Variants in RPS6KC1 observed in about 807,000 individuals in gnomAD.
The protein encoded by RPS6KC1 is ribosomal protein S6 kinase C1, also known as inactive ribosomal protein S6 kinase delta-1.
RPS6KC1 carries 54 observed loss-of-function variants against 103.8 expected under a neutral mutation model. The observed-to-expected ratio is 0.52, with a 90% CI of 0.42 to 0.65. The LOEUF is 0.65. Ranked by LOEUF, RPS6KC1 falls within the 30% of genes least tolerant of loss-of-function variation. The probability of loss-of-function intolerance (pLI) is 0.00; values close to 1 mark genes in which losing one functional copy is unlikely to be tolerated. For missense variants in RPS6KC1, 1,151 were observed against 1,253.8 expected (o/e 0.92, Z 1.24); for synonymous variants, 439 against 438.7 (o/e 1.00, Z -0.01).
rs919181008 is a variant in RPS6KC1 at position 213,197,662 on chromosome 1, C to G, written c.1044+21170C>G. On this transcript the variant is annotated intron_variant, in intron 8 of 14. Transcript: ENST00000366960. ...TGGTTTGTGTACATTGATTTTATAT[C>G]CTGAAACTTTATTGAATTCATTTAT... Among the ~76,000 whole-genome samples the G allele has an allele frequency of 2.0e-5, 3 of 152,088 alleles. No individual in the cohort carries two copies. In the South Asian group the frequency reaches 6.2e-4, roughly 32 times the overall value.
At chr1:213,058,241 A>T (rs1409988316) in intron 1 of RPS6KC1, among the ~76,000 whole-genome samples, 1 of 151,800 alleles carries the variant, frequency 6.6e-6, no homozygotes, top group Non-Finnish European at 1.5e-5. Context: ...GCACCCAGAC[A>T]GTGTTTTTGC....
intron 8 of RPS6KC1, among the ~76,000 whole-genome samples, chr1:213,194,507 G>T (rs1028115854): frequency 6.6e-6 from 1 of 152,162 alleles, no homozygotes; most frequent in Admixed American, 6.5e-5. Context: ...AGGCTTGCAA[G>T]TACTGCCTTA....
chr1:213,620,476 T>C, the RPS6KC1 span, among the ~76,000 whole-genome samples: 1 of 152,242 alleles, frequency 6.6e-6, no homozygotes, highest in Non-Finnish European at 1.5e-5. Flanking sequence ...GAGACTAAGA[T>C]AGAAACTTCT....
At chr1:213,790,312 T>A in the RPS6KC1 span, among the ~76,000 whole-genome samples, 4 of 152,220 alleles carry the variant, frequency 2.6e-5, no homozygotes, top group Non-Finnish European at 5.9e-5. Flanking sequence ...GATCAGTTGG[T>A]TGATCTTTGA....
At chr1:213,374,734 G>T in the RPS6KC1 span, among the ~76,000 whole-genome samples, 1 of 152,158 alleles carries the variant, frequency 6.6e-6, no homozygotes, top group Non-Finnish European at 1.5e-5. Context: ...TTCGGATAAT[G>T]AATCACTAGA....
At chr1:213,335,513 A>G in the RPS6KC1 span, among the ~76,000 whole-genome samples, 1 of 152,210 alleles carries the variant, frequency 6.6e-6, no homozygotes, top group East Asian at 1.9e-4. Flanking sequence ...TATTCTAACC[A>G]GCAGAAAGGA....
At chr1:213,450,053 T>G in the RPS6KC1 span, among the ~76,000 whole-genome samples, 5 of 152,130 alleles carry the variant, frequency 3.3e-5, no homozygotes, top group African/African-American at 1.2e-4. Context: ...CTGCTTAACC[T>G]CTCTGTGACT....
chr1:213,745,857 C>G, the RPS6KC1 span, among the ~76,000 whole-genome samples: 1 of 152,136 alleles, frequency 6.6e-6, no homozygotes, highest in Non-Finnish European at 1.5e-5. Context: ...TACACCACCA[C>G]AAGGAGAGGG....
At chr1:213,094,120 C>CAT (rs1330857574) in intron 3 of RPS6KC1, among the ~76,000 whole-genome samples, 6 of 150,148 alleles carry the variant, frequency 4.0e-5, no homozygotes, top group South Asian at 4.2e-4. Context: ...ATAGTGAACA[C>CAT]ATATATATAC....
chr1:213,114,563 A>G (rs1369155793), intron 4 of RPS6KC1, among the ~76,000 whole-genome samples: 4 of 151,828 alleles, frequency 2.6e-5, no homozygotes, highest in African/African-American at 2.4e-5. Context: ...TCTTCTGCCT[A>G]ATTGCCCTGG....
rs562723055 is a variant in RPS6KC1, at chr1:213,120,140, C to T, written c.472+2730C>T. Among the ~76,000 whole-genome samples, 9 of 152,252 alleles carry T rather than the reference C, an allele frequency of 5.9e-5. No homozygotes were observed. The East Asian group carries it at 1.5e-3, about 26-fold the overall frequency. On this transcript the variant is annotated intron_variant, in intron 5 of 14. Transcript: ENST00000366960. The stretch of plus-strand genomic sequence containing the variant: ...TTTCTGTCAAAAACACGGAAAATGA[C>T]TTATGACATCTAAAAGGAATATTGA...
the RPS6KC1 span, among the ~76,000 whole-genome samples, chr1:213,705,972 C>A: frequency 6.6e-6 from 1 of 152,192 alleles, no homozygotes; most frequent in East Asian, 1.9e-4. Flanking sequence ...AAGACAAAGT[C>A]CTCCTTGCTC....
At chr1:213,494,121 A>T in the RPS6KC1 span, among the ~76,000 whole-genome samples, 1 of 152,086 alleles carries the variant, frequency 6.6e-6, no homozygotes, top group Non-Finnish European at 1.5e-5. Flanking sequence ...GAAGTTATAC[A>T]CATTAGCCTG....
At chr1:213,726,082 T>C in the RPS6KC1 span, among the ~76,000 whole-genome samples, 1 of 152,210 alleles carries the variant, frequency 6.6e-6, no homozygotes, top group Non-Finnish European at 1.5e-5. Context: ...ATAATTGTTC[T>C]TTCTTATTTT....
At chr1:213,434,595 A>G in the RPS6KC1 span, among the ~76,000 whole-genome samples, 11 of 152,076 alleles carry the variant, frequency 7.2e-5, no homozygotes, top group Admixed American at 7.2e-4. Flanking sequence ...AACTCAGACT[A>G]CAGGTGCATG....
the RPS6KC1 span, among the ~76,000 whole-genome samples, chr1:213,719,886 C>T: frequency 6.6e-6 from 1 of 152,120 alleles, no homozygotes; most frequent in East Asian, 1.9e-4. Flanking sequence ...GATATTTGTG[C>T]CTACTTTACG....
Position 213,117,352 on chromosome 1 carries a change from T to C in RPS6KC1, c.414T>C (p.Gly138=). 1.2e-6 allele frequency: 2 copies of C among 1,610,178 alleles called. No individual in the cohort carries two copies. Among genetic ancestry groups the C allele is most frequent in the Non-Finnish European group, 8.5e-7 (1 of 1,176,798 alleles). The change falls in exon 5 of 15, where the codon GGT becomes GGC. Residue 138 remains glycine, a synonymous_variant. Coordinates refer to ENST00000366960, the MANE Select transcript of RPS6KC1 (RefSeq NM_012424.6). ...GIINDSSELI[G]PAEAHSDSLI... ...TTAATGATAGTTCTGAATTAATTGG[T>C]CCTGCTGAAGCTCACTCAGATTCCC... is the stretch of plus-strand genomic sequence containing the variant.
chr1:213,740,218 C>T, the RPS6KC1 span, among the ~76,000 whole-genome samples: 2 of 152,044 alleles, frequency 1.3e-5, no homozygotes, highest in South Asian at 2.1e-4. Flanking sequence ...TCAGAAATTC[C>T]TGCTATAACA....
At chr1:213,069,579 T>C (rs949722741) in intron 1 of RPS6KC1, among the ~76,000 whole-genome samples, 4 of 152,248 alleles carry the variant, frequency 2.6e-5, no homozygotes, top group Non-Finnish European at 5.9e-5. Context: ...CTGAATGGAT[T>C]ATAATCCCTA....
Sources: allele counts gnomAD v4.1 joint callset (sites outside exome capture counted in the v4.1 genomes callset), GRCh38; gene constraint gnomAD v4.1.1; transcripts MANE v1.5; gene names NCBI Gene and HGNC (gene_info 2026-07-23, HGNC 2026-07-21).